The following P4HA1 variants were observed in gnomAD, a reference collection of about 807,000 sequenced individuals.
The protein encoded by P4HA1 is prolyl 4-hydroxylase subunit alpha-1.
P4HA1 carries 24 observed loss-of-function variants against 72.8 expected under a neutral mutation model. The ratio of observed to expected loss-of-function variants is 0.33; its 90% CI spans 0.24 to 0.46. P4HA1 has a LOEUF of 0.46. P4HA1 is among the 20% of genes least tolerant of loss of function. The pLI, the probability that P4HA1 is intolerant of heterozygous loss-of-function variation, is 1.00. For missense variants in P4HA1, 446 were observed against 640.6 expected, an observed-to-expected ratio of 0.70 and a Z score of 3.28; for synonymous variants, 201 against 218.8, an observed-to-expected ratio of 0.92 and a Z score of 0.72.
chr10:73,063,432 T>C (rs1304567993), intron 5 of P4HA1, among the ~76,000 whole-genome samples: 4 of 152,228 alleles, frequency 2.6e-5, no homozygotes, highest in Non-Finnish European at 4.4e-5. Flanking sequence ...ACACTGGCCA[T>C]GAAGTTTCAC....
chr10:73,030,690 A>C (rs183395095), intron 9 of P4HA1, among the ~76,000 whole-genome samples: 1 of 152,322 alleles, frequency 6.6e-6, no homozygotes, highest in East Asian at 1.9e-4. Context: ...TCTTTAAAAA[A>C]CCATACCAAA....
intron 5 of P4HA1, among the ~76,000 whole-genome samples, chr10:73,056,271 TAAGA>T (rs1003399313): frequency 1.9e-4 from 29 of 152,238 alleles, no homozygotes; most frequent in Admixed American, 1.8e-3. Context: ...CATTTTTCAT[TAAGA>T]AAGATAATTT....
At position 73,059,423 on chromosome 10, in the gene P4HA1, T is replaced by TAA. The variant is rs1564631461; in HGVS notation, c.464-5834_464-5833insTT. Among the ~76,000 whole-genome samples the TAA allele has an allele frequency of 3.4e-4, 16 of 47,582 alleles. 3 individuals carry two copies. The highest frequency in any genetic ancestry group is 1.3e-3 in the African/African-American group (14 of 11,102). 31.2% of individuals were successfully genotyped at this position (47,582 alleles called of 152,430 possible). A position where few individuals can be genotyped will look rare whatever the true frequency, so the allele number is the denominator to read the frequency against. On this transcript the variant is annotated intron_variant, in intron 5 of 14. Transcript: ENST00000394890. ...CGGGCAAAATAATGAGACAATATAT[T>TAA]TAAAAAAAAAAAAAAAAAAAAAAAA...
At chr10:73,054,399 C>T (rs368147454) in intron 5 of P4HA1, among the ~76,000 whole-genome samples, 3 of 152,230 alleles carry the variant, frequency 2.0e-5, no homozygotes, top group African/African-American at 7.2e-5. Context: ...CAACCATCAC[C>T]ACAATCTAAT....
chr10:73,068,473 ATTAT>A (rs369811397), intron 5 of P4HA1, among the ~76,000 whole-genome samples: 80 of 152,326 alleles, frequency 5.3e-4, no homozygotes, highest in African/African-American at 1.9e-3. Flanking sequence ...TTGGCTTTTA[ATTAT>A]TTAACATATA....
intron 3 of P4HA1, 121 bp downstream of exon 3, chr10:73,073,610 C>T (rs994723374): frequency 2.5e-5 from 16 of 641,598 alleles, no homozygotes; most frequent in Admixed American, 1.0e-4. Context: ...CTATTTTAGC[C>T]ATTGCAACTG....
intron 4 of P4HA1, among the ~76,000 whole-genome samples, chr10:73,070,141 C>CAT (rs1564634009): frequency 8.9e-6 from 1 of 112,590 alleles, no homozygotes; most frequent in East Asian, 3.0e-4. Flanking sequence ...AGAGACCAGG[C>CAT]CTTTTTTTTT....
At chr10:73,030,005 C>T (rs1293202977) in intron 10 of P4HA1, among the ~76,000 whole-genome samples, 1 of 152,170 alleles carries the variant, frequency 6.6e-6, no homozygotes, top group Non-Finnish European at 1.5e-5. Flanking sequence ...AAAAAAATTA[C>T]AGTGTACTTA....
In P4HA1 at chr10:73,030,356, C is replaced by A. The variant is rs1477378777; in HGVS notation, c.1163G>T (p.Gly388Val). ...YRISKSAWLS[G>V]YENPVVSRIN... ...TCGAGACACCACAGGATTTTCATAG[C>A]CAGAGAGCCAGGCACTAAGAATAAG... is the stretch of plus-strand genomic sequence containing the variant. The change falls in exon 10 of 15, where the codon GGC (glycine) becomes GTC (valine). Residue 388 changes from glycine to valine, a missense_variant. Physicochemically the swap from Gly to Val is moderately radical, Grantham distance 109. Coordinates refer to ENST00000394890, the MANE Select transcript of P4HA1 (RefSeq NM_001017962.3). 3 of 1,558,440 alleles carry A rather than the reference C, an allele frequency of 1.9e-6. No homozygotes were observed. The highest frequency in any genetic ancestry group is 2.6e-6 in the Non-Finnish European group (3 of 1,139,418).
At chr10:73,059,413 G>A (rs1480689225) in intron 5 of P4HA1, among the ~76,000 whole-genome samples, 3 of 51,828 alleles carry the variant, frequency 5.8e-5, no homozygotes, top group South Asian at 6.5e-4. Flanking sequence ...AAAATAATGA[G>A]ACAATATATT....
rs1353932550 is a variant in P4HA1, at chr10:73,072,189, G to A, written c.174-9C>T. Reference sequence around the variant, plus strand: ...CTAACTTCTCTGCCCATCTACAGATGTAAAACATAAAAACTGAATATTTAT... The same window carrying A: ...CTAACTTCTCTGCCCATCTACAGATATAAAACATAAAAACTGAATATTTAT... On this transcript the variant is annotated splice_polypyrimidine_tract_variant and intron_variant, in intron 3 of 14. Coordinates refer to ENST00000394890, the MANE Select transcript of P4HA1 (RefSeq NM_001017962.3). The A allele has an allele frequency of 1.9e-6, 3 of 1,599,286 alleles. No homozygotes were observed. Among genetic ancestry groups the A allele is most frequent in the Admixed American group, 1.7e-5 (1 of 58,102 alleles).
At chr10:73,044,924 G>A in intron 9 of P4HA1, 57 bp downstream of exon 9, 1 of 1,354,812 alleles carries the variant, frequency 7.4e-7, no homozygotes, top group Non-Finnish European at 1.0e-6. Context: ...AATAATTCCT[G>A]TAAGATGTAT....
intron 1 of P4HA1, among the ~76,000 whole-genome samples, chr10:73,077,544 G>T (rs983358802): frequency 2.0e-5 from 3 of 152,048 alleles, no homozygotes; most frequent in South Asian, 4.1e-4. Flanking sequence ...ATCGTAAAAA[G>T]AATAAATATC....
At chr10:73,095,591 C>T (rs144205799) in intron 1 of P4HA1, among the ~76,000 whole-genome samples, 13 of 152,040 alleles carry the variant, frequency 8.6e-5, no homozygotes, top group East Asian at 7.7e-4. Flanking sequence ...GCCCCTCCCC[C>T]CTTCACGTAG....
intron 1 of P4HA1, among the ~76,000 whole-genome samples, chr10:73,083,725 A>T (rs1022208378): frequency 3.3e-5 from 5 of 152,162 alleles, no homozygotes; most frequent in Admixed American, 6.6e-5. Context: ...TGGCTATTCA[A>T]AGTTCTAGTA....
intron 10 of P4HA1, among the ~76,000 whole-genome samples, chr10:73,024,917 T>C (rs1481771831): frequency 6.6e-6 from 1 of 151,912 alleles, no homozygotes; most frequent in Non-Finnish European, 1.5e-5. Context: ...CCTGGACACA[T>C]ACACCCAAGA....
chr10:73,026,812 G>T (rs1424674642), intron 10 of P4HA1, among the ~76,000 whole-genome samples: 1 of 152,162 alleles, frequency 6.6e-6, no homozygotes, highest in Non-Finnish European at 1.5e-5. Context: ...CTTCTCAAAA[G>T]AAGACATTTA....
At chr10:73,021,947 C>G (rs568291549) in intron 10 of P4HA1, among the ~76,000 whole-genome samples, 2 of 152,172 alleles carry the variant, frequency 1.3e-5, no homozygotes, top group African/African-American at 2.4e-5. Flanking sequence ...GAGGGGTGTC[C>G]ACCATTGCTG....
intron 1 of P4HA1, 22 bp from the exon 2 acceptor site, chr10:73,074,937 G>T: frequency 2.6e-6 from 2 of 777,240 alleles, no homozygotes; most frequent in Non-Finnish European, 2.2e-6. Flanking sequence ...AGAGAGAAAT[G>T]CAGCCATTAC....
Sources: gnomAD v4.1 joint callset for allele counts (sites outside exome capture counted in the v4.1 genomes callset) on GRCh38, gnomAD v4.1.1 for gene constraint, MANE v1.5 for transcripts, NCBI Gene and HGNC (gene_info 2026-07-23, HGNC 2026-07-21) for gene names.